LRATD1: variants seen among roughly 807,000 people sequenced by gnomAD.
LRATD1 encodes the protein LRAT domain containing 1, also known as protein LRATD1.
A neutral mutation model predicts 21.3 loss-of-function variants in LRATD1; 8 were observed. The observed-to-expected ratio is 0.38, with a 90% CI of 0.22 to 0.68. The LOEUF is 0.68. Among genes scored for constraint, LRATD1 ranks in the 30% least tolerant of loss-of-function variants. The probability of loss-of-function intolerance (pLI) is 0.54; values close to 1 mark genes in which losing one functional copy is unlikely to be tolerated. For synonymous variants in LRATD1, 210 were observed against 186.2 expected, an observed-to-expected ratio of 1.13 and a Z score of -1.04; for missense variants, 380 against 404.0, an observed-to-expected ratio of 0.94 and a Z score of 0.51.
At position 14,637,718 on chromosome 2, in the gene LRATD1, T is replaced by C. The variant is rs1179176570; in HGVS notation, c.*2860T>C. On this transcript the variant is annotated 3_prime_UTR_variant, in exon 2 of 2. Coordinates refer to ENST00000295092, the MANE Select transcript of LRATD1 (RefSeq NM_145175.4). ...ATGGTTTTATCCTGAAAAAGGTGTA[T>C]ACTTTTAGGGCACTGTTAACAATGC... is the stretch of plus-strand genomic sequence containing the variant. 6.0e-6 allele frequency: 1 copy of C among 167,086 alleles called. No homozygotes were observed. Among genetic ancestry groups the C allele is most frequent in the Non-Finnish European group, 1.5e-5 (1 of 68,110 alleles). 10.4% of individuals were successfully genotyped at this position (167,086 alleles called of 1,614,324 possible). A position where few individuals can be genotyped will look rare whatever the true frequency, so the allele number is the denominator to read the frequency against.
chr2:14,649,096 G>A (rs527349339), intron 4 of LRATD1, among the ~76,000 whole-genome samples: 1 of 152,054 alleles, frequency 6.6e-6, no homozygotes, highest in Non-Finnish European at 1.5e-5. Context: ...CCTGGGACTT[G>A]CCTCTCTCCC....
downstream of LRATD1, among the ~76,000 whole-genome samples, chr2:14,642,821 T>C (rs920806308): frequency 6.6e-6 from 1 of 152,172 alleles, no homozygotes; most frequent in Non-Finnish European, 1.5e-5. Flanking sequence ...TTATGAAATA[T>C]ATATGCTTTT....
chr2:14,642,155 C>A (rs564791277), downstream of LRATD1: 8 of 152,518 alleles, frequency 5.2e-5, no homozygotes, highest in Non-Finnish European at 1.0e-4. Context: ...TGTGTATCAA[C>A]TTATACGAGA....
At chr2:14,646,520 ATG>A (rs911305258) in intron 4 of LRATD1, 1 of 152,216 alleles carries the variant, frequency 6.6e-6, no homozygotes. Context: ...GCTATTGATC[ATG>A]TGTTGGGAAA....
intron 4 of LRATD1, among the ~76,000 whole-genome samples, chr2:14,648,870 C>T (rs2103414726): frequency 6.6e-6 from 1 of 152,286 alleles, no homozygotes; most frequent in Admixed American, 6.5e-5. Context: ...TGAAGTAATA[C>T]AATCAAAACT....
intron 2 of LRATD1, among the ~76,000 whole-genome samples, chr2:14,645,738 C>T (rs1320627394): frequency 1.3e-5 from 2 of 152,084 alleles, no homozygotes; most frequent in Non-Finnish European, 2.9e-5. Flanking sequence ...TTTGAAAAAA[C>T]CTTTTATTAC....
At chr2:14,650,902 TAC>T (rs1671993156), downstream of LRATD1, 1 of 152,208 alleles carries the variant, frequency 6.6e-6, no homozygotes, top group African/African-American at 2.4e-5. Flanking sequence ...GATTTTAGGA[TAC>T]ACACATACAC....
intron 5 of LRATD1, chr2:14,649,516 C>T (rs1157766457): frequency 2.6e-6 from 1 of 378,078 alleles, no homozygotes; most frequent in Non-Finnish European, 5.3e-6. Flanking sequence ...GGAGATCCCA[C>T]CCAAGCTTTC....
At chr2:14,648,860 T>C (rs1260124075) in intron 4 of LRATD1, among the ~76,000 whole-genome samples, 2 of 152,174 alleles carry the variant, frequency 1.3e-5, no homozygotes, top group Non-Finnish European at 2.9e-5. Context: ...GTAACTGGCA[T>C]GAAGTAATAC....
chr2:14,634,494 C>A lies in LRATD1; in HGVS notation c.515C>A (p.Ala172Asp). The A allele has an allele frequency of 6.6e-7, 1 of 1,507,616 alleles. No individual in the cohort carries two copies. The allele number at this position is 1,507,616 out of a possible 1,614,324, so 93.4% of individuals were successfully genotyped here. Residue 172 changes from alanine (A) to aspartate (D), a missense_variant, in exon 2 of 2, where the codon GCC becomes GAC. By Grantham distance (126) the Ala-to-Asp change is moderately radical. Transcript: ENST00000295092. Reference sequence around the variant, plus strand: ...GACAGCCTGTATGAGGCGGGCGCGGCCAACGTGGGCCGGGTGGTGAATAGC... The same window carrying A: ...GACAGCCTGTATGAGGCGGGCGCGGACAACGTGGGCCGGGTGGTGAATAGC... Reference protein sequence around the residue: ...RQDSLYEAGAANVGRVVNSWY... With the variant: ...RQDSLYEAGADNVGRVVNSWY...
chr2:14,643,429 C>G (rs1472201372), downstream of LRATD1, among the ~76,000 whole-genome samples: 2 of 152,180 alleles, frequency 1.3e-5, no homozygotes, highest in African/African-American at 4.8e-5. Context: ...TCCAGTCTGT[C>G]CGGTACTCCC....
Position 14,635,129 on chromosome 2 carries a change from T to G in LRATD1, c.*271T>G. 1 of 695,940 alleles carries G rather than the reference T, an allele frequency of 1.4e-6. No homozygotes were observed. The allele number at this position is 695,940 out of a possible 1,614,324, so 43.1% of individuals were successfully genotyped here. ...CGGTGCTGGGAGACCCCGCGTGCGC[T>G]TTCCCCTTGAGATGTAAACCGGGAA... On this transcript the variant is annotated 3_prime_UTR_variant, in exon 2 of 2. Transcript: ENST00000295092.
Position 14,634,638 on chromosome 2 carries a change from G to A in LRATD1, c.659G>A (p.Arg220His). 6.5e-7 allele frequency: 1 copy of A among 1,545,756 alleles called. No individual in the cohort carries two copies. The highest frequency in any genetic ancestry group is 2.3e-5 in the East Asian group (1 of 42,646). The change falls in exon 2 of 2, where the codon CGC becomes CAC. Residue 220 changes from arginine to histidine, a missense_variant. By Grantham distance (29) the Arg-to-His change is conservative. Transcript: ENST00000295092. ...TCGGAGAGCTTCGCCGCCTGGTGCCGCTTTGGCAAGCGGGAGTTCAAGGCG... is the reference window on the plus strand; with the variant it reads ...TCGGAGAGCTTCGCCGCCTGGTGCCACTTTGGCAAGCGGGAGTTCAAGGCG... ...TNSESFAAWCRFGKREFKAGG... is the reference protein window; with the variant it reads ...TNSESFAAWCHFGKREFKAGG...
chr2:14,634,036 G>A lies in LRATD1; in HGVS notation c.57G>A (p.Gly19=), dbSNP rs1295344068. The change falls in exon 2 of 2, where the codon GGG becomes GGA. Residue 19 remains glycine (G), a synonymous_variant. Coordinates refer to ENST00000295092, the MANE Select transcript of LRATD1 (RefSeq NM_145175.4). ...THLNYSELPT[G]DPSGIEKDEL... ...TCAACTACAGCGAGTTGCCCACAGGGGACCCGTCGGGGATTGAAAAGGACG... is the reference window on the plus strand; with the variant it reads ...TCAACTACAGCGAGTTGCCCACAGGAGACCCGTCGGGGATTGAAAAGGACG... The A allele has an allele frequency of 4.3e-6, 7 of 1,614,096 alleles. No homozygotes were observed. The highest frequency in any genetic ancestry group is 5.9e-6 in the Non-Finnish European group (7 of 1,180,036).
At position 14,635,251 on chromosome 2, in the gene LRATD1, G is replaced by C. The variant is rs899425469; in HGVS notation, c.*393G>C. 9.6e-6 allele frequency: 5 copies of C among 520,482 alleles called. No homozygotes were observed. Among genetic ancestry groups the C allele is most frequent in the African/African-American group, 7.7e-5 (4 of 52,062 alleles). 32.2% of individuals were successfully genotyped at this position (520,482 alleles called of 1,614,324 possible). On this transcript the variant is annotated 3_prime_UTR_variant, in exon 2 of 2. Coordinates refer to ENST00000295092, the MANE Select transcript of LRATD1 (RefSeq NM_145175.4). Reference sequence around the variant, plus strand: ...TCGAAAACAACCCTCTTCTCAAAAGGGACCATCACCGCCCCGAGCGTGCGC... The same window carrying C: ...TCGAAAACAACCCTCTTCTCAAAAGCGACCATCACCGCCCCGAGCGTGCGC...
rs536808118 is a variant in LRATD1 at position 14,634,651 on chromosome 2, G to A, written c.672G>A (p.Arg224=). The change falls in exon 2 of 2, where the codon CGG becomes CGA. Residue 224 remains arginine, a synonymous_variant. Transcript: ENST00000295092. ...SFAAWCRFGK[R]EFKAGGEVPA... is the part of the protein sequence containing the mutation. ...CCGCCTGGTGCCGCTTTGGCAAGCG[G>A]GAGTTCAAGGCGGGAGGGGAGGTGC... The A allele has an allele frequency of 1.9e-6, 3 of 1,554,426 alleles. No individual in the cohort carries two copies. The South Asian group carries it at 3.6e-5, about 19-fold the overall frequency.
At position 14,633,439 on chromosome 2, in the gene LRATD1, A is replaced by T. The variant is rs930756049; in HGVS notation, c.-37+502A>T. The T allele has an allele frequency of 4.5e-5, 7 of 156,956 alleles. No individual in the cohort carries two copies. Among genetic ancestry groups the T allele is most frequent in the Non-Finnish European group, 9.9e-5 (7 of 70,812 alleles). The allele number at this position is 156,956 out of a possible 1,614,324, so 9.7% of individuals were successfully genotyped here. On this transcript the variant is annotated intron_variant, in intron 1 of 1. Transcript: ENST00000295092. This position sits in a 1 kb window ranked among gnomAD's most constrained non-coding sequence, Gnocchi z 7.5. ...GTTGCTGGTGTCAAGTGAATGCCTG[A>T]GAATGTGTCTGATTGTCATTGTGCG...
chr2:14,642,312 A>T (rs1482244606), downstream of LRATD1, among the ~76,000 whole-genome samples: 3 of 152,204 alleles, frequency 2.0e-5, no homozygotes, highest in African/African-American at 7.2e-5. Flanking sequence ...CCTGGGTATA[A>T]TGGTACAAAC....
rs8849 is a variant in LRATD1, at chr2:14,640,007, A to G, written c.*5149A>G. On this transcript the variant is annotated 3_prime_UTR_variant, in exon 2 of 2. Coordinates refer to ENST00000295092, the MANE Select transcript of LRATD1 (RefSeq NM_145175.4). ...TATTTGTAATATTTGATTTGCTTTT[A>G]GCAGAGAAAACAATAAAAGAATCCA... 0.11 allele frequency: 18,645 copies of G among 167,170 alleles called. 1,241 individuals carry two copies. Among genetic ancestry groups the G allele is most frequent in the East Asian group, 0.22 (1,125 of 5,188 alleles). The allele number at this position is 167,170 out of a possible 1,614,324, so 10.4% of individuals were successfully genotyped here.
Sources: allele counts gnomAD v4.1 joint callset (sites outside exome capture counted in the v4.1 genomes callset), GRCh38; gene constraint gnomAD v4.1.1; non-coding constraint Gnocchi (gnomAD v3.1); transcripts MANE v1.5; gene names NCBI Gene and HGNC (gene_info 2026-07-23, HGNC 2026-07-21).